The following CDH12 variants were observed in gnomAD, a reference collection of about 807,000 sequenced individuals.
CDH12 encodes the protein cadherin 12, also known as cadherin-12.
Under a neutral mutation model 74.1 loss-of-function variants are expected in CDH12, and 41 were observed. The observed-to-expected ratio is 0.55, with a 90% confidence interval of 0.43 to 0.72. The LOEUF is 0.72. Ranked by LOEUF, CDH12 falls within the 30% of genes least tolerant of loss-of-function variation. The pLI is 0.00. For synonymous variants in CDH12, 399 were observed against 355.0 expected (o/e 1.12, Z -1.39); for missense variants, 945 against 977.2 (o/e 0.97, Z 0.44).
chr5:22,721,247 T>TGGAGTGGATCAAG lies in CDH12; in HGVS notation c.-523+131798_-523+131810dup, dbSNP rs1743866877. 3.3e-5 allele frequency among the ~76,000 whole-genome samples: 5 copies of TGGAGTGGATCAAG among 152,290 alleles called. No homozygotes were observed. In the South Asian group the frequency reaches 1.0e-3, roughly 32 times the overall value. On this transcript the variant is annotated intron_variant, in intron 1 of 14. Coordinates refer to ENST00000382254, the MANE Select transcript of CDH12 (RefSeq NM_004061.5). ...CAGCTGTGGCTAAAAGGGGCCAAGG[T>TGGAGTGGATCAAG]GGAGTGGATCAAGGCCATGGGAGCC...
intron 1 of CDH12, among the ~76,000 whole-genome samples, chr5:22,558,237 A>C (rs963529625): frequency 6.6e-6 from 1 of 152,042 alleles, no homozygotes; most frequent in East Asian, 1.9e-4. Flanking sequence ...AGTTACAAGG[A>C]AAGTTGGAAA....
intron 3 of CDH12, among the ~76,000 whole-genome samples, chr5:22,375,471 G>A (rs938672243): frequency 6.6e-6 from 1 of 151,986 alleles, no homozygotes; most frequent in South Asian, 2.1e-4. Flanking sequence ...AAACCAAAAA[G>A]CTTCTACACA....
intron 6 of CDH12, among the ~76,000 whole-genome samples, chr5:21,880,762 T>C (rs1260209649): frequency 2.0e-5 from 3 of 151,118 alleles, no homozygotes; most frequent in Admixed American, 6.7e-5. Flanking sequence ...CACTCACTCG[T>C]TGTGACGTCT....
At chr5:22,844,351 C>G (rs1362915732) in intron 1 of CDH12, among the ~76,000 whole-genome samples, 1 of 152,056 alleles carries the variant, frequency 6.6e-6, no homozygotes, top group Non-Finnish European at 1.5e-5. Flanking sequence ...TTAGCACACT[C>G]CAAATCAAAC....
At chr5:22,227,679 G>A (rs1327400569) in intron 3 of CDH12, among the ~76,000 whole-genome samples, 1 of 151,966 alleles carries the variant, frequency 6.6e-6, no homozygotes, top group Non-Finnish European at 1.5e-5. Flanking sequence ...AAAACACTGG[G>A]AAACTTCAAA....
At chr5:22,514,051 T>A (rs1254856349) in intron 1 of CDH12, among the ~76,000 whole-genome samples, 1 of 151,460 alleles carries the variant, frequency 6.6e-6, no homozygotes, top group African/African-American at 2.4e-5. Flanking sequence ...AATTATTTTA[T>A]AATAATAAAA....
chr5:22,186,100 C>T (rs1749927679), intron 4 of CDH12, among the ~76,000 whole-genome samples: 1 of 152,198 alleles, frequency 6.6e-6, no homozygotes, highest in African/African-American at 2.4e-5. Context: ...AGTAAGATCT[C>T]TCTGCAGTTA....
At chr5:22,742,378 G>A (rs1489042618) in intron 1 of CDH12, among the ~76,000 whole-genome samples, 1 of 152,118 alleles carries the variant, frequency 6.6e-6, no homozygotes, top group East Asian at 1.9e-4. Flanking sequence ...AACCAAGGGA[G>A]AATAGCAATA....
rs373275983 is a variant in CDH12 at position 22,308,100 on chromosome 5, T to C, written c.-332-95457A>G. On this transcript the variant is annotated intron_variant, in intron 3 of 14. Coordinates refer to ENST00000382254, the MANE Select transcript of CDH12 (RefSeq NM_004061.5). Reference sequence around the variant, plus strand: ...TTTCACCACGTTAGCCAGGATGGTCTTGATCTCCTGACCTCGTGATCTGCC... The same window carrying C: ...TTTCACCACGTTAGCCAGGATGGTCCTGATCTCCTGACCTCGTGATCTGCC... Among the ~76,000 whole-genome samples the C allele has an allele frequency of 1.2e-4, 18 of 152,132 alleles. No homozygotes were observed. In the East Asian group the frequency reaches 3.5e-3, roughly 30 times the overall value.
intron 3 of CDH12, among the ~76,000 whole-genome samples, chr5:22,325,614 C>T (rs947114667): frequency 7.9e-5 from 12 of 152,040 alleles, no homozygotes; most frequent in Middle Eastern, 3.2e-3. Context: ...CGGCCAGGCG[C>T]GGTGGCTCAC....
chr5:21,755,721 C>A lies in CDH12; in HGVS notation c.1755G>T (p.Met585Ile). Residue 585 changes from methionine (M) to isoleucine (I), a missense_variant, in exon 14 of 15, where the codon ATG becomes ATT. Physicochemically the swap from Met to Ile is conservative, Grantham distance 10. Around this residue, in one of 3 missense-constraint regions of CDH12, gnomAD observed 791 missense variants for 792.8 expected, o/e 1.00. Transcript: ENST00000382254. Reference sequence around the variant, plus strand: ...AGTCACATCTACAGACTCGAATAGTCATTGTGTTTGTGCTGCTCTGGACAG... The same window carrying A: ...AGTCACATCTACAGACTCGAATAGTAATTGTGTTTGTGCTGCTCTGGACAG... ...SYPVQSSTNT[M>I]TIRVCRCDSD... The A allele has an allele frequency of 6.2e-7, 1 of 1,614,130 alleles. No homozygotes were observed. Among genetic ancestry groups the A allele is most frequent in the South Asian group, 1.1e-5 (1 of 91,084 alleles).
At chr5:22,422,922 C>T (rs1218327470) in intron 2 of CDH12, among the ~76,000 whole-genome samples, 1 of 152,044 alleles carries the variant, frequency 6.6e-6, no homozygotes, top group East Asian at 1.9e-4. Flanking sequence ...TGTTACACTT[C>T]AATATGTAGC....
intron 2 of CDH12, among the ~76,000 whole-genome samples, chr5:22,467,725 A>G (rs982583218): frequency 8.5e-5 from 13 of 152,222 alleles, no homozygotes; most frequent in Non-Finnish European, 1.8e-4. Context: ...TTATGTCTAA[A>G]GAACATCTAA....
intron 10 of CDH12, among the ~76,000 whole-genome samples, chr5:21,801,860 A>C (rs1251829387): frequency 6.6e-6 from 1 of 152,152 alleles, no homozygotes; most frequent in Non-Finnish European, 1.5e-5. Context: ...TCATTCTCTA[A>C]AAGGTTATGT....
At chr5:21,947,010 G>T (rs1755607719) in intron 6 of CDH12, among the ~76,000 whole-genome samples, 1 of 152,248 alleles carries the variant, frequency 6.6e-6, no homozygotes, top group South Asian at 2.1e-4. Context: ...AGATCTGATG[G>T]TTTTAAAAGT....
At chr5:22,191,099 G>C (rs1251432186) in intron 4 of CDH12, among the ~76,000 whole-genome samples, 1 of 152,046 alleles carries the variant, frequency 6.6e-6, no homozygotes, top group African/African-American at 2.4e-5. Context: ...TTTAGCTGCT[G>C]TAGCTTCTCT....
chr5:22,594,565 G>T (rs1736505094), intron 1 of CDH12, among the ~76,000 whole-genome samples: 1 of 152,094 alleles, frequency 6.6e-6, no homozygotes, highest in Admixed American at 6.5e-5. Context: ...ATAATGCTGA[G>T]AAGAATATAC....
chr5:22,524,582 C>T (rs972217610), intron 1 of CDH12, among the ~76,000 whole-genome samples: 3 of 152,036 alleles, frequency 2.0e-5, no homozygotes, highest in African/African-American at 7.2e-5. Flanking sequence ...GAGACAATTT[C>T]CTTGACTTCA....
intron 2 of CDH12, among the ~76,000 whole-genome samples, chr5:22,423,268 GC>G: frequency 6.6e-6 from 1 of 151,188 alleles, no homozygotes; most frequent in East Asian, 1.9e-4. Flanking sequence ...TTTTATTTGG[GC>G]CCCCTTAAAA....
Sources: gnomAD v4.1 joint callset for allele counts (sites outside exome capture counted in the v4.1 genomes callset) on GRCh38, gnomAD v4.1.1 for gene constraint, gnomAD v4.1.1 regional missense constraint, MANE v1.5 for transcripts, NCBI Gene and HGNC (gene_info 2026-07-23, HGNC 2026-07-21) for gene names.